SLTM: variants seen among roughly 807,000 people sequenced by gnomAD.
SLTM encodes SAFB like transcription modulator.
A neutral mutation model predicts 134.6 loss-of-function variants in SLTM; 43 were observed. That is an observed-to-expected ratio of 0.32 (90% CI 0.25 to 0.41). The LOEUF is 0.41. Among genes scored for constraint, SLTM ranks in the 10% least tolerant of loss-of-function variants. The pLI, the probability that SLTM is intolerant of heterozygous loss-of-function variation, is 1.00. For synonymous variants in SLTM, 424 were observed against 432.3 expected (o/e 0.98, Z 0.24); for missense variants, 1,055 against 1,288.8 (o/e 0.82, Z 2.78).
intron 2 of SLTM, among the ~76,000 whole-genome samples, chr15:58,924,611 G>A (rs2037332898): frequency 1.3e-5 from 2 of 152,136 alleles, no homozygotes; most frequent in South Asian, 2.1e-4. Context: ...CCAAACTTAA[G>A]AAGAAACTTT....
At chr15:58,909,533 AAAG>A (rs1432446581) in intron 5 of SLTM, among the ~76,000 whole-genome samples, 1 of 152,232 alleles carries the variant, frequency 6.6e-6, no homozygotes, top group Admixed American at 6.5e-5. Flanking sequence ...TCCAACCAAT[AAAG>A]AAGAATGATA....
At chr15:58,922,867 C>T (rs1268098855) in intron 2 of SLTM, among the ~76,000 whole-genome samples, 1 of 151,654 alleles carries the variant, frequency 6.6e-6, no homozygotes, top group East Asian at 1.9e-4. Context: ...CACGTGCTGC[C>T]ACCACATCCA....
chr15:58,929,555 A>G (rs778551539), intron 2 of SLTM, among the ~76,000 whole-genome samples: 1 of 152,138 alleles, frequency 6.6e-6, no homozygotes, highest in Non-Finnish European at 1.5e-5. Flanking sequence ...GTTTCCCTAT[A>G]CAAATTTGGT....
At position 58,899,933 on chromosome 15, in the gene SLTM, T is replaced by C. The variant is rs1227445711; in HGVS notation, c.594A>G (p.Ile198Met). ...CTTGTGTACCATCACCAGAACCTGC[T>C]ATATCTAAGAGGATTTAACAGGAAT... ...DGEEEENEKD[I>M]AGSGDGTQEV... is the part of the protein sequence containing the mutation. Residue 198 changes from isoleucine (I) to methionine (M), a missense_variant, in exon 7 of 21, where the codon ATA becomes ATG. Coordinates refer to ENST00000380516, the MANE Select transcript of SLTM (RefSeq NM_024755.4). The surrounding 1 kb of genome is among the most constrained non-coding windows in gnomAD (Gnocchi z 5.0). The C allele has an allele frequency of 1.2e-6, 2 of 1,608,316 alleles. No homozygotes were observed. The highest frequency in any genetic ancestry group is 1.7e-6 in the Non-Finnish European group (2 of 1,176,284).
Position 58,893,013 on chromosome 15 carries a change from T to A in SLTM, c.1782A>T (p.Lys594Asn). 1 of 1,611,940 alleles carries A rather than the reference T, an allele frequency of 6.2e-7. No individual in the cohort carries two copies. Among genetic ancestry groups the A allele is most frequent in the Non-Finnish European group, 8.5e-7 (1 of 1,179,380 alleles). Residue 594 changes from lysine (K) to asparagine (N), a missense_variant, in exon 14 of 21, where the codon AAA (lysine) becomes AAT (asparagine). This residue lies in a region of SLTM where 776 missense variants were observed against 962.2 expected (regional missense o/e 0.81). Coordinates refer to ENST00000380516, the MANE Select transcript of SLTM (RefSeq NM_024755.4). ...KEKERASLDK[K>N]RDKDYRRKEI... is the part of the protein sequence containing the mutation. Reference sequence around the variant, plus strand: ...CTTTCCTTCTGTAGTCTTTATCTCTTTTTTTATCTAGACTAGCTCTCTCCT... The same window carrying A: ...CTTTCCTTCTGTAGTCTTTATCTCTATTTTTATCTAGACTAGCTCTCTCCT...
At chr15:58,897,299 G>T in intron 8 of SLTM, 66 bp from the exon 9 acceptor site, 1 of 872,634 alleles carries the variant, frequency 1.1e-6, no homozygotes, top group Non-Finnish European at 1.9e-6. Context: ...AACTATAAGG[G>T]CCACATTCTT....
At chr15:58,882,752 TAAGA>T (rs1230550286) in intron 20 of SLTM, among the ~76,000 whole-genome samples, 1 of 151,968 alleles carries the variant, frequency 6.6e-6, no homozygotes, top group Non-Finnish European at 1.5e-5. Flanking sequence ...ATAACTCTCC[TAAGA>T]AAGAGGAATG....
chr15:58,932,244 C>G, intron 2 of SLTM, 112 bp downstream of exon 2: 2 of 773,750 alleles, frequency 2.6e-6, no homozygotes, highest in Non-Finnish European at 4.4e-6. Flanking sequence ...GGCAGACTGC[C>G]AGAGGGAAAT....
In SLTM at chr15:58,897,288, A is replaced by G. The variant is rs111386969; in HGVS notation, c.1109-55T>C. 135 of 1,000,220 alleles carry G rather than the reference A, an allele frequency of 1.3e-4. No homozygotes were observed. The African/African-American group carries it at 1.5e-3, about 11-fold the overall frequency. 62.0% of individuals were successfully genotyped at this position (1,000,220 alleles called of 1,614,324 possible). ...GTATCTCAATCAGAATCTTTATACA[A>G]AACTATAAGGGCCACATTCTTTCAA... is the stretch of plus-strand genomic sequence containing the variant. On this transcript the variant is annotated intron_variant, in intron 8 of 20. Coordinates refer to ENST00000380516, the MANE Select transcript of SLTM (RefSeq NM_024755.4).
intron 1 of SLTM, 152 bp downstream of exon 1, chr15:58,933,252 C>G: frequency 1.3e-6 from 1 of 748,040 alleles, no homozygotes; most frequent in Non-Finnish European, 1.9e-6. Context: ...TCCCCGTCCT[C>G]CACGCTCGCG....
At chr15:58,930,041 G>A (rs997699792) in intron 2 of SLTM, among the ~76,000 whole-genome samples, 10 of 151,996 alleles carry the variant, frequency 6.6e-5, no homozygotes, top group African/African-American at 2.2e-4. Context: ...AATGATAGCC[G>A]GATTTCAAGA....
rs1406022801 is a variant in SLTM at position 58,894,500 on chromosome 15, T to A, written c.1310A>T (p.Glu437Val). Residue 437 changes from glutamate to valine, a missense_variant, in exon 10 of 21, where the codon GAG becomes GTG. Physicochemically the swap from Glu to Val is moderately radical, Grantham distance 121. Around this residue, in one of 3 missense-constraint regions of SLTM, gnomAD observed 776 missense variants for 962.2 expected, o/e 0.81. Coordinates refer to ENST00000380516, the MANE Select transcript of SLTM (RefSeq NM_024755.4). ...AAGATGTGCAATACACCTGGACACC[T>A]CTGTGCTTGAAGACATAGTTACAAT... ...YGIVTMSSST[E>V]VSRCIAHLHR... 2.5e-6 allele frequency: 4 copies of A among 1,614,010 alleles called. No homozygotes were observed. Among genetic ancestry groups the A allele is most frequent in the Non-Finnish European group, 3.4e-6 (4 of 1,180,008 alleles).
chr15:58,894,204 C>A lies in SLTM; in HGVS notation c.1378-11G>T. On this transcript the variant is annotated splice_polypyrimidine_tract_variant and intron_variant, in intron 10 of 20. Transcript: ENST00000380516. ...GGGATCACCTTTTACCTGAAAGGTT[C>A]GAACCAGAAAAACAATTTGTACATA... The A allele has an allele frequency of 6.3e-7, 1 of 1,574,938 alleles. No homozygotes were observed. Among genetic ancestry groups the A allele is most frequent in the African/African-American group, 1.4e-5 (1 of 73,666 alleles).
At chr15:58,886,216 AGAGTGTGTGTGTGT>A (rs1159401257) in intron 19 of SLTM, among the ~76,000 whole-genome samples, 1 of 125,520 alleles carries the variant, frequency 8.0e-6, no homozygotes, top group Admixed American at 8.0e-5. Flanking sequence ...GAGAAAAAGA[AGAGTGTGTGTGTGT>A]GTGTGTGTGT....
At position 58,883,619 on chromosome 15, in the gene SLTM, T is replaced by TA; in HGVS notation, c.2996+6dup. The TA allele has an allele frequency of 1.2e-6, 2 of 1,613,858 alleles. No homozygotes were observed. The highest frequency in any genetic ancestry group is 1.7e-6 in the Non-Finnish European group (2 of 1,179,880). ...TGTGCTGGCAGAAAAACTGGTTAGTTATTTACCTTGAATGTTGGGTTATCA... is the reference window on the plus strand; with the variant it reads ...TGTGCTGGCAGAAAAACTGGTTAGTTAATTTACCTTGAATGTTGGGTTATCA... On this transcript the variant is annotated splice_region_variant and intron_variant, in intron 20 of 20. Coordinates refer to ENST00000380516, the MANE Select transcript of SLTM (RefSeq NM_024755.4).
chr15:58,893,674 A>G (rs2034844901), intron 12 of SLTM, 147 bp downstream of exon 12: 1 of 809,352 alleles, frequency 1.2e-6, no homozygotes, highest in African/African-American at 1.7e-5. Context: ...AAAAGAAGAC[A>G]ATTACTCCTA....
chr15:58,918,326 G>A lies in SLTM; in HGVS notation c.251-1327C>T, dbSNP rs185081171. Among the ~76,000 whole-genome samples the A allele has an allele frequency of 2.0e-5, 3 of 152,062 alleles. 1 individual carries two copies. Among genetic ancestry groups the A allele is most frequent in the Admixed American group, 2.0e-4 (3 of 15,264 alleles). On this transcript the variant is annotated intron_variant, in intron 2 of 20. Coordinates refer to ENST00000380516, the MANE Select transcript of SLTM (RefSeq NM_024755.4). Reference sequence around the variant, plus strand: ...CCTTTGCCTACAACTGGCACAGACAGTGCTACTACCTAGTTCAAGCTTCAG... The same window carrying A: ...CCTTTGCCTACAACTGGCACAGACAATGCTACTACCTAGTTCAAGCTTCAG...
chr15:58,918,488 G>A (rs2036801757), intron 2 of SLTM, among the ~76,000 whole-genome samples: 1 of 152,144 alleles, frequency 6.6e-6, no homozygotes, highest in African/African-American at 2.4e-5. Flanking sequence ...GTGATAAAAG[G>A]GGAAAAGATA....
At chr15:58,921,142 A>G (rs779514743) in intron 2 of SLTM, among the ~76,000 whole-genome samples, 5 of 152,200 alleles carry the variant, frequency 3.3e-5, no homozygotes, top group Non-Finnish European at 7.3e-5. Context: ...AGTGGCATCT[A>G]TGGTCCAGGT....
Sources: gnomAD v4.1 joint callset for allele counts (sites outside exome capture counted in the v4.1 genomes callset) on GRCh38, gnomAD v4.1.1 for gene constraint, gnomAD v4.1.1 regional missense constraint, Gnocchi (gnomAD v3.1) non-coding constraint, MANE v1.5 for transcripts, NCBI Gene and HGNC (gene_info 2026-07-23, HGNC 2026-07-21) for gene names.